DPP6: variants seen among roughly 807,000 people sequenced by gnomAD.
DPP6 encodes the protein dipeptidyl peptidase like 6.
DPP6 carries 69 observed loss-of-function variants against 122.6 expected under a neutral mutation model. The observed-to-expected ratio is 0.56, with a 90% CI of 0.46 to 0.69. The LOEUF (loss-of-function observed/expected upper bound fraction) is 0.69, where lower values mean the gene tolerates loss of function less well. Among genes scored for constraint, DPP6 ranks in the 30% least tolerant of loss-of-function variants. The pLI is 0.00. For synonymous variants in DPP6, 418 were observed against 433.1 expected (o/e 0.97, Z 0.43); for missense variants, 928 against 1,116.9 (o/e 0.83, Z 2.41).
chr7:154,464,714 A>G (rs1257171852), intron 2 of DPP6, among the ~76,000 whole-genome samples: 1 of 152,218 alleles, frequency 6.6e-6, no homozygotes, highest in Non-Finnish European at 1.5e-5. Flanking sequence ...TGGGACCATG[A>G]CTTACTTAAA....
intron 6 of DPP6, among the ~76,000 whole-genome samples, chr7:154,651,920 T>A (rs1193137366): frequency 6.6e-6 from 1 of 152,170 alleles, no homozygotes. Flanking sequence ...CCACTCTGAA[T>A]AACACGATGA....
At chr7:154,419,202 T>C (rs1022712333) in intron 1 of DPP6, among the ~76,000 whole-genome samples, 1 of 152,220 alleles carries the variant, frequency 6.6e-6, no homozygotes, top group Non-Finnish European at 1.5e-5. Flanking sequence ...TTTCCTTGAA[T>C]GGGCGTTTGC....
chr7:153,999,978 AAG>A (rs749773327), intron 1 of DPP6, among the ~76,000 whole-genome samples: 27 of 150,352 alleles, frequency 1.8e-4, no homozygotes, highest in Admixed American at 5.9e-4. Context: ...GAAAGAAAGA[AAG>A]AAAAAAAAAA....
intron 1 of DPP6, among the ~76,000 whole-genome samples, chr7:154,109,541 C>T (rs919447726): frequency 2.0e-4 from 31 of 152,350 alleles, no homozygotes; most frequent in African/African-American, 7.2e-4. Flanking sequence ...ATCCACCCGC[C>T]TCAGCCTCCC....
upstream of DPP6, among the ~76,000 whole-genome samples, chr7:153,884,014 AT>A (rs1798826748): frequency 6.6e-6 from 1 of 152,042 alleles, no homozygotes; most frequent in African/African-American, 2.4e-5. Context: ...TTTATTTTTT[AT>A]TTTTTATATA....
chr7:154,358,527 T>C (rs537262606), intron 1 of DPP6, among the ~76,000 whole-genome samples: 1 of 152,288 alleles, frequency 6.6e-6, no homozygotes, highest in South Asian at 2.1e-4. Flanking sequence ...GAGCAGTGGC[T>C]GGAGGCAGAG....
At position 154,892,423 on chromosome 7, in the gene DPP6, C is replaced by T; in HGVS notation, c.2541C>T (p.Phe847=). The T allele has an allele frequency of 6.2e-7, 1 of 1,614,060 alleles. No homozygotes were observed. The highest frequency in any genetic ancestry group is 8.5e-7 in the Non-Finnish European group (1 of 1,179,908). ...TCATCAACTTCTTCGTGGAATGCTT[C>T]AGGATCCAGGACAAACTGCTGACAG... ...RSIINFFVEC[F]RIQDKLLTVT... Residue 847 remains phenylalanine, a synonymous_variant, in exon 26 of 26, where the codon TTC becomes TTT. Transcript: ENST00000377770.
rs569958146 is a variant in DPP6, at chr7:154,179,874, T to TA, written c.243+126819dup. Among the ~76,000 whole-genome samples the TA allele has an allele frequency of 1.1e-3, 174 of 152,204 alleles. 1 individual carries two copies. The South Asian group carries it at 0.016, about 14-fold the overall frequency. ...GTGAAGACAGATGCCTCCATTTATTTAAAAAAAATCAACACATTATTAATT... is the reference window on the plus strand; with the variant it reads ...GTGAAGACAGATGCCTCCATTTATTTAAAAAAAAATCAACACATTATTAATT... On this transcript the variant is annotated intron_variant, in intron 1 of 25. Coordinates refer to ENST00000377770, the MANE Select transcript of DPP6 (RefSeq NM_130797.4).
Position 154,664,346 on chromosome 7 carries a change from G to A in DPP6, c.681-5014G>A, listed in dbSNP as rs576530212. Among the ~76,000 whole-genome samples, 23 of 152,272 alleles carry A rather than the reference G, an allele frequency of 1.5e-4. 1 individual carries two copies. Among genetic ancestry groups the A allele is most frequent in the African/African-American group, 3.6e-4 (15 of 41,562 alleles). ...GCATTTATGGGAATTTACATTTGTC[G>A]TATCAAAGAAAAGTTAATCCCCTGC... On this transcript the variant is annotated intron_variant, in intron 6 of 25. Coordinates refer to ENST00000377770, the MANE Select transcript of DPP6 (RefSeq NM_130797.4).
chr7:154,217,261 T>C (rs10258384), intron 1 of DPP6, among the ~76,000 whole-genome samples: 6,997 of 152,232 alleles, frequency 0.046, 272 homozygotes, highest in African/African-American at 0.11. Flanking sequence ...GGTTACTTCA[T>C]CTGAAAGAAA....
At chr7:154,476,917 C>T (rs751527456) in intron 3 of DPP6, among the ~76,000 whole-genome samples, 23 of 152,134 alleles carry the variant, frequency 1.5e-4, no homozygotes, top group Non-Finnish European at 2.6e-4. Context: ...CATGTTGAAA[C>T]GTCACCTTTA....
At chr7:153,801,138 T>G in the DPP6 span, among the ~76,000 whole-genome samples, 1 of 150,366 alleles carries the variant, frequency 6.7e-6, no homozygotes, top group Admixed American at 6.7e-5. Flanking sequence ...CAAAGCCCTG[T>G]GTGCGCTTAT....
chr7:153,935,402 C>A (rs991215291), intron 1 of DPP6, among the ~76,000 whole-genome samples: 1 of 152,072 alleles, frequency 6.6e-6, no homozygotes, highest in Non-Finnish European at 1.5e-5. Context: ...TGGCACATCC[C>A]AGCATTGAAA....
In DPP6 at chr7:154,186,057, C is replaced by G. The variant is rs139688406; in HGVS notation, c.243+132994C>G. The stretch of plus-strand genomic sequence containing the variant: ...CCATATTTGGGTTTGGGATTAGCCT[C>G]TTGGTTTTGTGCAAGTTGCTTAGTG... On this transcript the variant is annotated intron_variant, in intron 1 of 25. Transcript: ENST00000377770. 4.1e-3 allele frequency among the ~76,000 whole-genome samples: 631 copies of G among 152,314 alleles called. 1 individual carries two copies. Among genetic ancestry groups the G allele is most frequent in the Non-Finnish European group, 7.5e-3 (507 of 68,036 alleles).
chr7:154,729,488 A>G (rs1842230500), intron 8 of DPP6, among the ~76,000 whole-genome samples: 1 of 152,224 alleles, frequency 6.6e-6, no homozygotes, highest in South Asian at 2.1e-4. Context: ...TAATTTGTAC[A>G]TAATAAAATG....
At chr7:154,732,029 T>A (rs1842362816) in intron 8 of DPP6, among the ~76,000 whole-genome samples, 1 of 152,058 alleles carries the variant, frequency 6.6e-6, no homozygotes, top group Admixed American at 6.6e-5. Flanking sequence ...AATTACTCTT[T>A]GTTTTTCTTT....
intron 5 of DPP6, among the ~76,000 whole-genome samples, chr7:154,580,128 C>T (rs11769619): frequency 0.59 from 87,807 of 149,882 alleles, 27,618 homozygotes; most frequent in Non-Finnish European, 0.7. Flanking sequence ...GTATGTCTGA[C>T]GATCTGCCTC....
intron 1 of DPP6, among the ~76,000 whole-genome samples, chr7:154,440,493 A>T (rs1586278283): frequency 1.3e-5 from 2 of 152,210 alleles, no homozygotes. Context: ...TGCTCCAACA[A>T]GACTGGCTTG....
intron 1 of DPP6, among the ~76,000 whole-genome samples, chr7:154,383,644 T>C (rs1381110335): frequency 1.3e-5 from 2 of 152,028 alleles, no homozygotes; most frequent in Non-Finnish European, 2.9e-5. Context: ...AATCCCAGCA[T>C]TTTGGGAGGC....
Sources: allele counts gnomAD v4.1 joint callset (sites outside exome capture counted in the v4.1 genomes callset), GRCh38; gene constraint gnomAD v4.1.1; transcripts MANE v1.5; gene names NCBI Gene and HGNC (gene_info 2026-07-23, HGNC 2026-07-21).